The following NLGN1 variants were observed in gnomAD, a reference collection of about 807,000 sequenced individuals.
The protein encoded by NLGN1 is neuroligin 1.
In NLGN1, 12 loss-of-function variants were observed where a neutral mutation model predicts 65.5. That is an observed-to-expected ratio of 0.18 (90% CI 0.12 to 0.30). The LOEUF is 0.30. Ranked by LOEUF, NLGN1 falls within the 10% of genes least tolerant of loss-of-function variation. The pLI is 1.00. For synonymous variants in NLGN1, 350 were observed against 359.5 expected (o/e 0.97, Z 0.30); for missense variants, 750 against 1,007.1 (o/e 0.74, Z 3.46).
intron 4 of NLGN1, among the ~76,000 whole-genome samples, chr3:174,101,019 T>C (rs1478427179): frequency 2.6e-5 from 4 of 152,140 alleles, no homozygotes; most frequent in Admixed American, 2.6e-4. Context: ...CAGCCAGGCC[T>C]ATTTTCAAAA....
downstream of NLGN1, among the ~76,000 whole-genome samples, chr3:174,291,525 CTT>C (rs1752761496): frequency 6.6e-6 from 1 of 151,142 alleles, no homozygotes; most frequent in Non-Finnish European, 1.5e-5. Flanking sequence ...AATGAAGACT[CTT>C]TTGTTATATA....
At chr3:173,935,875 G>A (rs1357640993) in intron 4 of NLGN1, among the ~76,000 whole-genome samples, 1 of 151,894 alleles carries the variant, frequency 6.6e-6, no homozygotes, top group African/African-American at 2.4e-5. Flanking sequence ...ATATCATGAG[G>A]GAAGTTGATA....
In NLGN1 at chr3:173,657,669, A is replaced by G. The variant is rs1356836622; in HGVS notation, c.493+52578A>G. Among the ~76,000 whole-genome samples the G allele has an allele frequency of 3.3e-5, 5 of 151,800 alleles. No individual in the cohort carries two copies. The Admixed American group carries it at 3.3e-4, about 10-fold the overall frequency. Reference sequence around the variant, plus strand: ...TGATGTTTTAAAATGTGATGCATATATTTTGCCCTCAGCTAAAAAAAATAG... The same window carrying G: ...TGATGTTTTAAAATGTGATGCATATGTTTTGCCCTCAGCTAAAAAAAATAG... On this transcript the variant is annotated intron_variant, in intron 3 of 6. Transcript: ENST00000457714.
At chr3:173,661,712 T>C (rs1760952805) in intron 3 of NLGN1, among the ~76,000 whole-genome samples, 1 of 152,008 alleles carries the variant, frequency 6.6e-6, no homozygotes, top group South Asian at 2.1e-4. Flanking sequence ...AAAGTTACAA[T>C]TCATAACTAT....
Position 173,936,190 on chromosome 3 carries a change from A to G in NLGN1, c.646+128358A>G, listed in dbSNP as rs192119473. 1.7e-3 allele frequency among the ~76,000 whole-genome samples: 262 copies of G among 151,784 alleles called. 1 individual carries two copies. The highest frequency in any genetic ancestry group is 5.9e-3 in the African/African-American group (246 of 41,468). On this transcript the variant is annotated intron_variant, in intron 4 of 6. Coordinates refer to ENST00000457714, the Ensembl canonical transcript of NLGN1. ...TGGTTGGTTTCTGTATTGTGTTTATATGTTTCAAACATTTATTCTAGTTTT... is the reference window on the plus strand; with the variant it reads ...TGGTTGGTTTCTGTATTGTGTTTATGTGTTTCAAACATTTATTCTAGTTTT...
At chr3:174,258,133 G>C (rs1485157134) in intron 4 of NLGN1, among the ~76,000 whole-genome samples, 2 of 151,948 alleles carry the variant, frequency 1.3e-5, no homozygotes, top group African/African-American at 4.8e-5. Flanking sequence ...TGTATTTATT[G>C]TGCCAAAGAA....
chr3:174,179,290 A>C (rs1048394457), intron 4 of NLGN1, among the ~76,000 whole-genome samples: 1 of 152,158 alleles, frequency 6.6e-6, no homozygotes, highest in Non-Finnish European at 1.5e-5. Context: ...TCCAAGGTCC[A>C]TGTGTACCTG....
At chr3:174,045,282 C>A (rs1407252905) in intron 4 of NLGN1, among the ~76,000 whole-genome samples, 1 of 152,054 alleles carries the variant, frequency 6.6e-6, no homozygotes, top group East Asian at 1.9e-4. Context: ...AAGAAATAGG[C>A]CTCAGGAAAC....
intron 2 of NLGN1, among the ~76,000 whole-genome samples, chr3:173,561,012 C>T (rs555156360): frequency 1.2e-4 from 19 of 152,164 alleles, no homozygotes; most frequent in South Asian, 2.1e-4. Flanking sequence ...CATCATACAG[C>T]GGGGTTTGTA....
intron 2 of NLGN1, among the ~76,000 whole-genome samples, chr3:173,538,818 T>A (rs1737893148): frequency 6.6e-6 from 1 of 151,890 alleles, no homozygotes; most frequent in Non-Finnish European, 1.5e-5. Flanking sequence ...ATTAAAATAT[T>A]CCTCTGCTAG....
intron 4 of NLGN1, among the ~76,000 whole-genome samples, chr3:173,944,203 G>A (rs1746736632): frequency 6.6e-6 from 1 of 150,848 alleles, no homozygotes; most frequent in Non-Finnish European, 1.5e-5. Context: ...TTCCCGAAAG[G>A]AGGCATTGTA....
chr3:173,632,240 A>G (rs1283356451), intron 3 of NLGN1, among the ~76,000 whole-genome samples: 1 of 152,160 alleles, frequency 6.6e-6, no homozygotes, highest in Non-Finnish European at 1.5e-5. Context: ...TATGCTGTAC[A>G]TATCACTTTG....
intron 4 of NLGN1, among the ~76,000 whole-genome samples, chr3:174,268,920 A>T (rs1362620860): frequency 6.6e-6 from 1 of 151,988 alleles, no homozygotes; most frequent in East Asian, 1.9e-4. Context: ...AATACCATCA[A>T]GTTGTTTGAT....
At chr3:173,432,312 G>A (rs1257909375) in intron 1 of NLGN1, among the ~76,000 whole-genome samples, 1 of 152,194 alleles carries the variant, frequency 6.6e-6, no homozygotes, top group Non-Finnish European at 1.5e-5. Flanking sequence ...AAACTGACTT[G>A]CAAAGATGCT....
intron 4 of NLGN1, among the ~76,000 whole-genome samples, chr3:174,202,457 GAA>G (rs201295301): frequency 7.1e-6 from 1 of 140,450 alleles, no homozygotes; most frequent in Admixed American, 7.0e-5. Flanking sequence ...TTTTCTACTA[GAA>G]AAAAAAAATA....
At chr3:174,038,967 A>G (rs1731698252) in intron 4 of NLGN1, among the ~76,000 whole-genome samples, 2 of 152,202 alleles carry the variant, frequency 1.3e-5, no homozygotes, top group South Asian at 4.1e-4. Flanking sequence ...TGTTTCATTT[A>G]CATAACTCCC....
At chr3:173,701,435 G>A (rs559841912) in intron 3 of NLGN1, among the ~76,000 whole-genome samples, 1 of 152,222 alleles carries the variant, frequency 6.6e-6, no homozygotes, top group East Asian at 1.9e-4. Flanking sequence ...GCCAAGGCAT[G>A]TAAGCAGCAT....
intron 3 of NLGN1, among the ~76,000 whole-genome samples, chr3:173,670,373 T>G (rs1762290383): frequency 6.6e-6 from 1 of 152,204 alleles, no homozygotes; most frequent in African/African-American, 2.4e-5. Flanking sequence ...AACAGTGATG[T>G]GTCATTCATT....
intron 4 of NLGN1, among the ~76,000 whole-genome samples, chr3:173,845,606 G>GGATAGGTAGATAGATAGATAGATA (rs147688296): frequency 1.2e-4 from 18 of 146,934 alleles, no homozygotes; most frequent in Admixed American, 7.5e-4. Context: ...GTAGGTGGAT[G>GGATAGGTAGATAGATAGATAGATA]GATAGATAGA....
Sources: allele counts gnomAD v4.1 joint callset (sites outside exome capture counted in the v4.1 genomes callset), GRCh38; gene constraint gnomAD v4.1.1; transcripts MANE v1.5; gene names NCBI Gene and HGNC (gene_info 2026-07-23, HGNC 2026-07-21).